The following IQCM variants were observed in gnomAD, a reference collection of about 807,000 sequenced individuals.
IQCM encodes the protein IQ motif containing M, also known as IQ domain-containing protein M.
In IQCM, 45 loss-of-function variants were observed where a neutral mutation model predicts 57.6. The observed-to-expected ratio is 0.78, with a 90% CI of 0.62 to 1.00. IQCM has a LOEUF of 1.00. Among genes scored for constraint, IQCM ranks in the 50% least tolerant of loss-of-function variants. The probability of loss-of-function intolerance (pLI) is 0.00; values close to 1 mark genes in which losing one functional copy is unlikely to be tolerated. For synonymous variants in IQCM, 148 were observed against 158.9 expected, an observed-to-expected ratio of 0.93 and a Z score of 0.51; for missense variants, 468 against 511.6, an observed-to-expected ratio of 0.91 and a Z score of 0.82.
chr4:149,696,135 C>T (rs148266222), intron 5 of IQCM, among the ~76,000 whole-genome samples: 4 of 152,046 alleles, frequency 2.6e-5, no homozygotes, highest in East Asian at 1.9e-4. Context: ...CCCATTTTTT[C>T]GTCGCTACAC....
At chr4:149,426,148 T>C (rs1192688638) in intron 13 of IQCM, among the ~76,000 whole-genome samples, 1 of 152,008 alleles carries the variant, frequency 6.6e-6, no homozygotes, top group Non-Finnish European at 1.5e-5. Flanking sequence ...GTCCATTATA[T>C]TTCTATAATC....
chr4:149,779,853 A>C (rs1208566410), intron 2 of IQCM, among the ~76,000 whole-genome samples: 1 of 152,172 alleles, frequency 6.6e-6, no homozygotes, highest in Non-Finnish European at 1.5e-5. Flanking sequence ...AGTTGCTGTA[A>C]GGTCACTATC....
chr4:149,781,311 T>A (rs1771581452), intron 2 of IQCM, among the ~76,000 whole-genome samples: 1 of 152,094 alleles, frequency 6.6e-6, no homozygotes, highest in South Asian at 2.1e-4. Flanking sequence ...AATTTAGAAG[T>A]TTTAAATTGC....
chr4:149,369,052 AT>A (rs532378170), intron 13 of IQCM, among the ~76,000 whole-genome samples: 26 of 121,554 alleles, frequency 2.1e-4, no homozygotes, highest in African/African-American at 7.5e-4. Context: ...ATATATATGT[AT>A]TTTTTTTTTG....
At chr4:149,738,054 T>G (rs1767105547) in intron 3 of IQCM, among the ~76,000 whole-genome samples, 1 of 152,216 alleles carries the variant, frequency 6.6e-6, no homozygotes, top group Non-Finnish European at 1.5e-5. Flanking sequence ...CCATCATGTC[T>G]TATTTCAGAC....
intron 2 of IQCM, among the ~76,000 whole-genome samples, chr4:149,750,336 C>T (rs756729887): frequency 6.6e-4 from 101 of 152,102 alleles, no homozygotes; most frequent in Non-Finnish European, 1.1e-3. Context: ...CCCTCATATG[C>T]CGAGAGAAAG....
At chr4:149,803,114 G>C (rs939334998) in intron 2 of IQCM, among the ~76,000 whole-genome samples, 1 of 151,848 alleles carries the variant, frequency 6.6e-6, no homozygotes, top group Non-Finnish European at 1.5e-5. Context: ...TTATACCCAA[G>C]CCTTCTAGTT....
intron 10 of IQCM, among the ~76,000 whole-genome samples, chr4:149,562,124 T>C (rs989708009): frequency 2.6e-5 from 4 of 152,212 alleles, no homozygotes; most frequent in African/African-American, 9.6e-5. Flanking sequence ...TACTATGTTA[T>C]AGTTCCTACT....
At chr4:149,580,629 G>A (rs1752092987) in intron 9 of IQCM, among the ~76,000 whole-genome samples, 2 of 151,908 alleles carry the variant, frequency 1.3e-5, no homozygotes, top group South Asian at 2.1e-4. Flanking sequence ...ACTATAGGCT[G>A]ATTGGGTGGT....
chr4:149,687,516 T>C (rs1207229327), intron 5 of IQCM, among the ~76,000 whole-genome samples: 2 of 151,530 alleles, frequency 1.3e-5, no homozygotes, highest in Non-Finnish European at 3.0e-5. Flanking sequence ...TAGAGATGAT[T>C]TAAAGTACAG....
In IQCM at chr4:149,488,202, G is replaced by A. The variant is rs549894844; in HGVS notation, c.1229-54645C>T. Among the ~76,000 whole-genome samples, 59 of 152,212 alleles carry A rather than the reference G, an allele frequency of 3.9e-4. 1 individual carries two copies. In the South Asian group the frequency reaches 0.011, roughly 28 times the overall value. On this transcript the variant is annotated intron_variant, in intron 12 of 13. Coordinates refer to ENST00000636793, the MANE Select transcript of IQCM (RefSeq NM_001363507.2). The stretch of plus-strand genomic sequence containing the variant: ...CAATGTCTACATTGATGTGAAAAGT[G>A]TGGGGTTACTATGCAATATTTATCT...
intron 8 of IQCM, among the ~76,000 whole-genome samples, chr4:149,607,192 A>G (rs1754865598): frequency 6.6e-6 from 1 of 152,144 alleles, no homozygotes; most frequent in African/African-American, 2.4e-5. Context: ...TCACATATAA[A>G]GGAGCTCTGA....
At chr4:149,570,098 C>G (rs1342349663) in intron 9 of IQCM, among the ~76,000 whole-genome samples, 1 of 151,644 alleles carries the variant, frequency 6.6e-6, no homozygotes, top group African/African-American at 2.4e-5. Flanking sequence ...TTGTGAATAA[C>G]TTTATGGAAA....
At chr4:149,413,842 C>T (rs979565303) in intron 13 of IQCM, among the ~76,000 whole-genome samples, 2 of 152,126 alleles carry the variant, frequency 1.3e-5, no homozygotes, top group African/African-American at 2.4e-5. Context: ...TTGTTAAATT[C>T]ACTGAAATGT....
At chr4:149,727,409 C>A (rs1766049113) in intron 5 of IQCM, among the ~76,000 whole-genome samples, 1 of 152,198 alleles carries the variant, frequency 6.6e-6, no homozygotes, top group African/African-American at 2.4e-5. Flanking sequence ...TTCCCTTACA[C>A]TCCACACCTA....
At chr4:149,809,859 C>G (rs555758340) in intron 2 of IQCM, among the ~76,000 whole-genome samples, 11 of 152,142 alleles carry the variant, frequency 7.2e-5, no homozygotes, top group Non-Finnish European at 1.5e-4. Context: ...ATCTTTCAAT[C>G]CTATTGTTTA....
intron 12 of IQCM, among the ~76,000 whole-genome samples, chr4:149,480,246 T>G (rs1740634299): frequency 6.6e-6 from 1 of 152,182 alleles, no homozygotes; most frequent in Admixed American, 6.5e-5. Context: ...GGTGCAGGGA[T>G]GCAATGCATA....
intron 12 of IQCM, among the ~76,000 whole-genome samples, chr4:149,484,728 G>A (rs560938737): frequency 1.3e-5 from 2 of 152,076 alleles, no homozygotes; most frequent in South Asian, 2.1e-4. Context: ...CTTAAGACAA[G>A]AATAGCTTAC....
intron 5 of IQCM, among the ~76,000 whole-genome samples, chr4:149,693,815 G>A (rs1012188367): frequency 6.6e-6 from 1 of 152,120 alleles, no homozygotes; most frequent in Non-Finnish European, 1.5e-5. Flanking sequence ...TCTGAAAATA[G>A]TGTATATTAT....
Sources: allele counts gnomAD v4.1 joint callset (sites outside exome capture counted in the v4.1 genomes callset), GRCh38; gene constraint gnomAD v4.1.1; transcripts MANE v1.5; gene names NCBI Gene and HGNC (gene_info 2026-07-23, HGNC 2026-07-21).